MREG: variants seen among roughly 807,000 people sequenced by gnomAD.
MREG encodes the protein dilute suppressor protein homolog.
A neutral mutation model predicts 28.5 loss-of-function variants in MREG; 31 were observed. That is an observed-to-expected ratio of 1.09 (90% CI 0.82 to 1.47). The LOEUF (loss-of-function observed/expected upper bound fraction) is 1.47, where lower values mean the gene tolerates loss of function less well. MREG is among the 40% of genes most tolerant of loss of function. MREG has a pLI of 0.00. For missense variants in MREG, 256 were observed against 257.4 expected (o/e 0.99, Z 0.04); for synonymous variants, 106 against 95.2 (o/e 1.11, Z -0.66).
intron 1 of MREG, among the ~76,000 whole-genome samples, chr2:216,023,538 T>C (rs1213926530): frequency 6.6e-6 from 1 of 152,240 alleles, no homozygotes; most frequent in African/African-American, 2.4e-5. Flanking sequence ...TTTCATCTTA[T>C]TAAGCATTGG....
chr2:216,031,475 GAGAA>G lies in MREG; in HGVS notation c.-68+1310_-68+1313del, dbSNP rs71047962. 1.7e-3 allele frequency among the ~76,000 whole-genome samples: 221 copies of G among 132,900 alleles called. 1 individual carries two copies. The highest frequency in any genetic ancestry group is 5.0e-3 in the African/African-American group (166 of 33,238). 87.2% of individuals were successfully genotyped at this position (132,900 alleles called of 152,430 possible). ...AGAAAGAGAGAAAGAAAGAAAGAAAGAGAAAGAAAGAAAGAAAGAGAAAGAAAGA... is the reference window on the plus strand; with the variant it reads ...AGAAAGAGAGAAAGAAAGAAAGAAAGAGAAAGAAAGAAAGAGAAAGAAAGA... On this transcript the variant is annotated intron_variant, in intron 1 of 3. Transcript: ENST00000420348.
intron 1 of MREG, among the ~76,000 whole-genome samples, chr2:216,012,028 T>C (rs1480286910): frequency 6.6e-6 from 1 of 152,200 alleles, no homozygotes; most frequent in African/African-American, 2.4e-5. Context: ...ATATATAATA[T>C]ACATGAGTTA....
intron 1 of MREG, among the ~76,000 whole-genome samples, chr2:216,031,019 A>C (rs1180959039): frequency 6.7e-6 from 1 of 148,460 alleles, no homozygotes; most frequent in Non-Finnish European, 1.5e-5. Context: ...TCTCTCTCTC[A>C]TTTGCTTGCT....
At chr2:216,026,393 TCTCA>T (rs1183816020) in intron 1 of MREG, among the ~76,000 whole-genome samples, 2 of 152,126 alleles carry the variant, frequency 1.3e-5, no homozygotes, top group African/African-American at 4.8e-5. Context: ...GGAGACAGTG[TCTCA>T]CTCTGTTGCC....
intron 1 of MREG, among the ~76,000 whole-genome samples, chr2:216,027,401 C>T (rs934790632): frequency 7.9e-5 from 12 of 152,098 alleles, no homozygotes; most frequent in African/African-American, 1.9e-4. Context: ...AGTCTAAAAG[C>T]CACAAGGTAC....
At chr2:216,007,226 C>G (rs1003235400) in intron 1 of MREG, among the ~76,000 whole-genome samples, 4 of 152,000 alleles carry the variant, frequency 2.6e-5, no homozygotes, top group Non-Finnish European at 5.9e-5. Flanking sequence ...TACCTGTAAC[C>G]CCAAAATCAA....
intron 2 of MREG, among the ~76,000 whole-genome samples, chr2:215,965,777 C>G (rs547852489): frequency 2.0e-5 from 3 of 152,218 alleles, no homozygotes; most frequent in African/African-American, 7.2e-5. Flanking sequence ...GGCTGTGATC[C>G]ATTCATTGAC....
chr2:216,023,246 T>A (rs963526398), intron 1 of MREG, among the ~76,000 whole-genome samples: 2 of 152,230 alleles, frequency 1.3e-5, no homozygotes, highest in Non-Finnish European at 2.9e-5. Context: ...CCTCCTGGCA[T>A]CCAATTGTAA....
chr2:215,940,730 A>G (rs545989785), downstream of MREG, among the ~76,000 whole-genome samples: 1 of 152,310 alleles, frequency 6.6e-6, no homozygotes, highest in South Asian at 2.1e-4. Context: ...CCTGTGGAGG[A>G]GAGAAGGAAG....
chr2:215,957,651 G>C (rs1692661798), intron 2 of MREG, among the ~76,000 whole-genome samples: 1 of 152,102 alleles, frequency 6.6e-6, no homozygotes, highest in South Asian at 2.1e-4. Context: ...TCTGAAAGGA[G>C]GTTTCAGGCT....
In MREG at chr2:216,013,221, C is replaced by T; in HGVS notation, c.95+12G>A. On this transcript the variant is annotated intron_variant, in intron 1 of 4. Transcript: ENST00000263268. The stretch of plus-strand genomic sequence containing the variant: ...AGGTAAGCCCAGATCCCGGCCCGGG[C>T]GGCGCACCCACCTGACGAGGGGCTC... The T allele has an allele frequency of 6.5e-7, 1 of 1,547,984 alleles. No homozygotes were observed. The highest frequency in any genetic ancestry group is 8.7e-7 in the Non-Finnish European group (1 of 1,146,190).
In MREG at chr2:215,944,982, G is replaced by A. The variant is rs1170169238; in HGVS notation, c.526C>T (p.Leu176Phe). The change falls in exon 5 of 5, where the codon CTT (leucine) becomes TTT (phenylalanine). Residue 176 changes from leucine to phenylalanine, a missense_variant. Physicochemically the swap from Leu to Phe is conservative, Grantham distance 22 (BLOSUM62 0). Coordinates refer to ENST00000263268, the MANE Select transcript of MREG (RefSeq NM_018000.3). ...YLFVVDRLIA[L>F]DAAEEFFKLA... Reference sequence around the variant, plus strand: ...TTAAAGAACTCTTCTGCAGCATCAAGTGCAATGAGACGGTCCTGCAAAAAC... The same window carrying A: ...TTAAAGAACTCTTCTGCAGCATCAAATGCAATGAGACGGTCCTGCAAAAAC... 3 of 1,588,932 alleles carry A rather than the reference G, an allele frequency of 1.9e-6. No homozygotes were observed. In the Admixed American group the frequency reaches 5.0e-5, roughly 27 times the overall value.
chr2:215,990,503 C>T (rs757115092), intron 2 of MREG, among the ~76,000 whole-genome samples: 13 of 152,136 alleles, frequency 8.5e-5, no homozygotes, highest in African/African-American at 3.1e-4. Context: ...GGAAAAATAA[C>T]CAGCTAGCAT....
intron 2 of MREG, among the ~76,000 whole-genome samples, chr2:215,951,244 G>A (rs1574592731): frequency 6.6e-6 from 1 of 152,164 alleles, no homozygotes; most frequent in Non-Finnish European, 1.5e-5. Flanking sequence ...ATGAAAAATA[G>A]TGATGTAAAA....
intron 1 of MREG, among the ~76,000 whole-genome samples, chr2:216,010,652 C>T (rs916976881): frequency 1.3e-5 from 2 of 151,366 alleles, no homozygotes; most frequent in Non-Finnish European, 2.9e-5. Context: ...CCACCGTGCC[C>T]GGCAGATTTC....
intron 2 of MREG, among the ~76,000 whole-genome samples, chr2:215,981,749 T>C (rs1693433320): frequency 1.3e-5 from 2 of 152,202 alleles, no homozygotes; most frequent in South Asian, 4.1e-4. Context: ...GCAGCCCCTC[T>C]CCTCTTACTT....
At chr2:215,988,478 G>C (rs368971491) in intron 2 of MREG, among the ~76,000 whole-genome samples, 2 of 152,208 alleles carry the variant, frequency 1.3e-5, no homozygotes, top group African/African-American at 2.4e-5. Flanking sequence ...CGGTTCACCA[G>C]ACACCGAGCT....
At chr2:215,981,863 G>A (rs1347928813) in intron 2 of MREG, among the ~76,000 whole-genome samples, 1 of 152,162 alleles carries the variant, frequency 6.6e-6, no homozygotes. Context: ...GCAGAGGTAT[G>A]CTTCTTATCC....
intron 1 of MREG, among the ~76,000 whole-genome samples, chr2:216,011,239 G>A (rs1236391535): frequency 6.6e-6 from 1 of 151,860 alleles, no homozygotes; most frequent in Non-Finnish European, 1.5e-5. Flanking sequence ...GTATAGGAAA[G>A]AACCTGCAGG....
Sources: gnomAD v4.1 joint callset for allele counts (sites outside exome capture counted in the v4.1 genomes callset) on GRCh38, gnomAD v4.1.1 for gene constraint, MANE v1.5 for transcripts, NCBI Gene and HGNC (gene_info 2026-07-23, HGNC 2026-07-21) for gene names.